FIG4: variants seen among roughly 807,000 people sequenced by gnomAD.
The protein encoded by FIG4 is polyphosphoinositide phosphatase.
A neutral mutation model predicts 118.6 loss-of-function variants in FIG4; 112 were observed. That is an observed-to-expected ratio of 0.94 (90% CI 0.81 to 1.11). The LOEUF (loss-of-function observed/expected upper bound fraction) is 1.11. FIG4 is among the 50% of genes least tolerant of loss of function. FIG4 has a pLI of 0.00. For missense variants in FIG4, 969 were observed against 1,111.7 expected (o/e 0.87, Z 1.83); for synonymous variants, 369 against 381.2 (o/e 0.97, Z 0.37).
chr6:109,753,225 C>T (rs573149787), intron 10 of FIG4, among the ~76,000 whole-genome samples: 74 of 152,210 alleles, frequency 4.9e-4, no homozygotes, highest in South Asian at 4.6e-3. Flanking sequence ...CAGACGAGAT[C>T]GGGCGTGTTC....
intron 1 of FIG4, among the ~76,000 whole-genome samples, chr6:109,692,444 T>TA (rs1456138524): frequency 6.6e-6 from 1 of 152,214 alleles, no homozygotes; most frequent in Non-Finnish European, 1.5e-5. Context: ...GTTTCTCAGT[T>TA]ATAACGTAGT....
intron 22 of FIG4, among the ~76,000 whole-genome samples, chr6:109,819,586 A>G (rs1367102391): frequency 2.0e-5 from 3 of 152,136 alleles, no homozygotes; most frequent in African/African-American, 7.2e-5. Flanking sequence ...CTCCTGCCTC[A>G]GCCTCTGAAG....
In FIG4 at chr6:109,825,374, C is replaced by A; in HGVS notation, c.*109C>A. ...GTCCTTTGCGTCTGAAGCCTTTCTCCTTTTCTGTCACTTGCAAATTCCAAA... is the reference window on the plus strand; with the variant it reads ...GTCCTTTGCGTCTGAAGCCTTTCTCATTTTCTGTCACTTGCAAATTCCAAA... On this transcript the variant is annotated 3_prime_UTR_variant, in exon 23 of 23. Transcript: ENST00000230124. 1 of 1,020,304 alleles carries A rather than the reference C, an allele frequency of 9.8e-7. No individual in the cohort carries two copies. 63.2% of individuals were successfully genotyped at this position (1,020,304 alleles called of 1,614,324 possible). A position where few individuals can be genotyped will look rare whatever the true frequency, so the allele number is the denominator to read the frequency against.
intron 18 of FIG4, among the ~76,000 whole-genome samples, chr6:109,788,497 T>C (rs1034982030): frequency 6.6e-6 from 1 of 152,212 alleles, no homozygotes; most frequent in African/African-American, 2.4e-5. Context: ...GGAGTACCCC[T>C]TGTTCAGCCT....
chr6:109,717,703 A>G (rs2128381830), intron 3 of FIG4, among the ~76,000 whole-genome samples: 1 of 152,102 alleles, frequency 6.6e-6, no homozygotes, highest in East Asian at 1.9e-4. Flanking sequence ...AAAAGAGGGA[A>G]CTCCAGTAAG....
At chr6:109,823,049 A>G (rs1341209162) in intron 22 of FIG4, among the ~76,000 whole-genome samples, 1 of 152,000 alleles carries the variant, frequency 6.6e-6, no homozygotes, top group African/African-American at 2.4e-5. Context: ...CATTTCTTTA[A>G]TATCTATTAA....
rs778637828 is a variant in FIG4 at position 109,799,089 on chromosome 6, G to A, written c.2546+2238G>A. On this transcript the variant is annotated intron_variant, in intron 22 of 22. Coordinates refer to ENST00000230124, the MANE Select transcript of FIG4 (RefSeq NM_014845.6). Reference sequence around the variant, plus strand: ...AAAATAAAAACAAAACATTTCCCCCGTTTTCTTAACATTATTTCTGATTTG... The same window carrying A: ...AAAATAAAAACAAAACATTTCCCCCATTTTCTTAACATTATTTCTGATTTG... Among the ~76,000 whole-genome samples the A allele has an allele frequency of 9.9e-5, 15 of 152,188 alleles. No individual in the cohort carries two copies. The East Asian group carries it at 1.2e-3, about 12-fold the overall frequency.
At chr6:109,749,631 T>C (rs1222971738) in intron 10 of FIG4, among the ~76,000 whole-genome samples, 1 of 150,948 alleles carries the variant, frequency 6.6e-6, no homozygotes, top group Non-Finnish European at 1.5e-5. Flanking sequence ...AGTAAGTTCA[T>C]GTTTTACAGA....
chr6:109,704,465 G>A (rs557015143), intron 1 of FIG4, among the ~76,000 whole-genome samples: 201 of 152,186 alleles, frequency 1.3e-3, no homozygotes, highest in Middle Eastern at 3.4e-3. Flanking sequence ...AGACCAGCCA[G>A]GCCAACATGG....
At chr6:109,791,658 C>A in intron 20 of FIG4, 87 bp downstream of exon 20, 2 of 1,158,812 alleles carry the variant, frequency 1.7e-6, no homozygotes, top group Non-Finnish European at 2.5e-6. Flanking sequence ...AGGCTGAGAG[C>A]AAGAAAATGT....
chr6:109,784,339 A>G (rs181699646), intron 16 of FIG4, among the ~76,000 whole-genome samples: 2 of 152,334 alleles, frequency 1.3e-5, no homozygotes, highest in East Asian at 3.9e-4. Flanking sequence ...AAATCCAGAC[A>G]GGTGACATTC....
chr6:109,705,493 G>A (rs1450151112), intron 1 of FIG4, among the ~76,000 whole-genome samples: 1 of 151,870 alleles, frequency 6.6e-6, no homozygotes, highest in East Asian at 1.9e-4. Context: ...AGAGAATGCG[G>A]GTAGGTATAG....
In FIG4 at chr6:109,774,475, T is replaced by C. The variant is rs71541012; in HGVS notation, c.1751-2447T>C. On this transcript the variant is annotated intron_variant, in intron 15 of 22. Transcript: ENST00000230124. The stretch of plus-strand genomic sequence containing the variant: ...CTTATGAAAAGTTCAGAAGCAAATT[T>C]ATTAGGTCAGAGGGTAAAAATAATT... Among the ~76,000 whole-genome samples the C allele has an allele frequency of 4.2e-3, 639 of 152,198 alleles. 7 individuals carry two copies. Among genetic ancestry groups the C allele is most frequent in the Non-Finnish European group, 7.5e-3 (509 of 68,008 alleles).
At chr6:109,716,315 G>C in intron 2 of FIG4, 130 bp from the exon 3 acceptor site, 1 of 881,066 alleles carries the variant, frequency 1.1e-6, no homozygotes, top group Non-Finnish European at 1.8e-6. Flanking sequence ...TAGCTTACTT[G>C]TGTACTATTA....
At chr6:109,715,604 A>C (rs1181276120) in intron 2 of FIG4, among the ~76,000 whole-genome samples, 2 of 152,158 alleles carry the variant, frequency 1.3e-5, no homozygotes, top group African/African-American at 4.8e-5. Context: ...TAGGACCTTT[A>C]CTGATGATTT....
rs182955642 is a variant in FIG4 at position 109,777,369 on chromosome 6, T to C, written c.1889+309T>C. On this transcript the variant is annotated intron_variant, in intron 16 of 22. Coordinates refer to ENST00000230124, the MANE Select transcript of FIG4 (RefSeq NM_014845.6). ...GTACTATTGATGTCCTGATAGTAGGTTGGGGAAAATGTGGCTAGCAATTGT... is the reference window on the plus strand; with the variant it reads ...GTACTATTGATGTCCTGATAGTAGGCTGGGGAAAATGTGGCTAGCAATTGT... 3.0e-3 allele frequency among the ~76,000 whole-genome samples: 458 copies of C among 152,214 alleles called. 2 individuals are homozygous for C. Among genetic ancestry groups the C allele is most frequent in the Middle Eastern group, 6.8e-3 (2 of 294 alleles).
rs1057519188 is a variant in FIG4 at position 109,741,531 on chromosome 6, G to A, written c.863G>A (p.Gly288Asp). The change falls in exon 8 of 23, where the codon GGT becomes GAT. Residue 288 changes from glycine (G) to aspartate (D), a missense_variant. Coordinates refer to ENST00000230124, the MANE Select transcript of FIG4 (RefSeq NM_014845.6). ...GCTGGCACCCGTTTTCTTAAAAGAG[G>A]TGCAAACTGTGAGGTAAGATGACAA... Reference protein sequence around the residue: ...KFAGTRFLKRGANCEGDVANE... With the variant: ...KFAGTRFLKRDANCEGDVANE... 3 of 1,604,922 alleles carry A rather than the reference G, an allele frequency of 1.9e-6. No individual in the cohort carries two copies. The highest frequency in any genetic ancestry group is 2.6e-6 in the Non-Finnish European group (3 of 1,171,812).
Position 109,727,107 on chromosome 6 carries a change from A to T in FIG4, c.290-2A>T, listed in dbSNP as rs587777715. ...TATTTCTCTTTATTTTTTGTTGCATAGGTTTTGTCAGGTTCTTAGAAGGCT... is the reference window on the plus strand; with the variant it reads ...TATTTCTCTTTATTTTTTGTTGCATTGGTTTTGTCAGGTTCTTAGAAGGCT... On this transcript the variant is annotated splice_acceptor_variant, in intron 3 of 22. Coordinates refer to ENST00000230124, the MANE Select transcript of FIG4 (RefSeq NM_014845.6). LOFTEE classifies it high-confidence loss of function. The T allele has an allele frequency of 1.1e-5, 17 of 1,606,496 alleles. No homozygotes were observed. Among genetic ancestry groups the T allele is most frequent in the Non-Finnish European group, 1.4e-5 (16 of 1,173,190 alleles).
chr6:109,812,424 A>T (rs1302956893), intron 22 of FIG4, among the ~76,000 whole-genome samples: 1 of 152,188 alleles, frequency 6.6e-6, no homozygotes, highest in African/African-American at 2.4e-5. Flanking sequence ...AGAAGGTTTT[A>T]AGTAGAGAGC....
Sources: gnomAD v4.1 joint callset for allele counts (sites outside exome capture counted in the v4.1 genomes callset) on GRCh38, gnomAD v4.1.1 for gene constraint, MANE v1.5 for transcripts, NCBI Gene and HGNC (gene_info 2026-07-23, HGNC 2026-07-21) for gene names.